Variants in HYCC2 observed in about 807,000 individuals in gnomAD.
The protein encoded by HYCC2 is hyccin 2.
the HYCC2 span, among the ~76,000 whole-genome samples, chr2:201,038,797 T>A: frequency 1.3e-5 from 2 of 151,998 alleles, no homozygotes; most frequent in African/African-American, 4.8e-5. Context: ...TAATGTTAAA[T>A]GATGAGTTAG....
chr2:200,974,777 A>G, the HYCC2 span: 1 of 151,978 alleles, frequency 6.6e-6, no homozygotes, highest in South Asian at 2.1e-4. Context: ...GAAATAAATC[A>G]TTTAGTTCTT....
chr2:201,050,092 G>A, the HYCC2 span, among the ~76,000 whole-genome samples: 1 of 151,718 alleles, frequency 6.6e-6, no homozygotes, highest in Non-Finnish European at 1.5e-5. Context: ...CACACCTGTG[G>A]TCCCAGCTAC....
At chr2:200,991,441 C>T in the HYCC2 span, among the ~76,000 whole-genome samples, 5 of 152,162 alleles carry the variant, frequency 3.3e-5, no homozygotes, top group South Asian at 2.1e-4. Context: ...TGGTGGCACA[C>T]GCCTATAGTC....
the HYCC2 span, among the ~76,000 whole-genome samples, chr2:201,029,785 G>A: frequency 6.6e-6 from 1 of 152,148 alleles, no homozygotes; most frequent in Admixed American, 6.6e-5. Flanking sequence ...GTCATGAGGT[G>A]GGGGGATGGG....
At chr2:201,013,604 G>A in the HYCC2 span, among the ~76,000 whole-genome samples, 1 of 152,062 alleles carries the variant, frequency 6.6e-6, no homozygotes, top group Non-Finnish European at 1.5e-5. Context: ...CCAATTACAT[G>A]TGAATAATGA....
At chr2:200,983,796 G>C in the HYCC2 span, among the ~76,000 whole-genome samples, 1 of 152,172 alleles carries the variant, frequency 6.6e-6, no homozygotes, top group East Asian at 1.9e-4. Context: ...TGTATCATTA[G>C]GTATATTTAT....
chr2:201,017,356 T>TTC, the HYCC2 span, among the ~76,000 whole-genome samples: 2 of 152,132 alleles, frequency 1.3e-5, no homozygotes, highest in African/African-American at 4.8e-5. Context: ...ATCCACTAAC[T>TTC]ATAAGAAGTA....
chr2:201,028,948 A>T, the HYCC2 span, among the ~76,000 whole-genome samples: 1 of 152,166 alleles, frequency 6.6e-6, no homozygotes, highest in Non-Finnish European at 1.5e-5. Context: ...AAGCCAAAAT[A>T]GACAAATGGG....
chr2:200,980,988 G>A, the HYCC2 span: 1 of 461,692 alleles, frequency 2.2e-6, no homozygotes, highest in Middle Eastern at 6.2e-4. Context: ...GCCTACGATG[G>A]ATTGCACATC....
At chr2:200,982,915 G>A in the HYCC2 span, among the ~76,000 whole-genome samples, 10 of 151,972 alleles carry the variant, frequency 6.6e-5, no homozygotes, top group African/African-American at 2.2e-4. Context: ...GTGTCACCAC[G>A]CCCAGCTAAT....
chr2:201,018,968 G>A, the HYCC2 span, among the ~76,000 whole-genome samples: 4 of 152,244 alleles, frequency 2.6e-5, no homozygotes, highest in East Asian at 1.9e-4. Flanking sequence ...CCACTCTACC[G>A]CACTTCTTAT....
the HYCC2 span, among the ~76,000 whole-genome samples, chr2:201,019,415 A>T: frequency 6.6e-6 from 1 of 152,296 alleles, no homozygotes; most frequent in African/African-American, 2.4e-5. Flanking sequence ...AGATGTTGGC[A>T]ATCCAGTAAG....
the HYCC2 span, among the ~76,000 whole-genome samples, chr2:201,029,685 A>T: frequency 6.6e-6 from 1 of 152,202 alleles, no homozygotes; most frequent in Non-Finnish European, 1.5e-5. Context: ...AAGGACAGAA[A>T]GCCAAACACC....
At chr2:201,008,315 T>G in the HYCC2 span, among the ~76,000 whole-genome samples, 1 of 152,230 alleles carries the variant, frequency 6.6e-6, no homozygotes, top group South Asian at 2.1e-4. Flanking sequence ...TGACTGCACA[T>G]CCACTTTTTA....
the HYCC2 span, among the ~76,000 whole-genome samples, chr2:201,056,605 C>T: frequency 2.1e-5 from 3 of 145,988 alleles, no homozygotes; most frequent in Non-Finnish European, 4.5e-5. Flanking sequence ...ACCCGGGAGG[C>T]GGAGGTTGCG....
the HYCC2 span, among the ~76,000 whole-genome samples, chr2:200,982,902 C>T: frequency 2.0e-5 from 3 of 152,114 alleles, no homozygotes; most frequent in African/African-American, 4.8e-5. Flanking sequence ...GGATTACAGG[C>T]GTGTGTCACC....
chr2:201,030,108 G>A, the HYCC2 span, among the ~76,000 whole-genome samples: 97 of 151,830 alleles, frequency 6.4e-4, no homozygotes, highest in Non-Finnish European at 1.0e-3. Context: ...CAAAAAGTCC[G>A]GAAATTTCAT....
the HYCC2 span, among the ~76,000 whole-genome samples, chr2:201,004,948 C>T: frequency 7.1e-6 from 1 of 140,120 alleles, no homozygotes; most frequent in Non-Finnish European, 1.5e-5. Flanking sequence ...ACCCAGGAGG[C>T]GGAGTTTGCA....
chr2:200,981,432 A>G, the HYCC2 span: 3 of 1,614,188 alleles, frequency 1.9e-6, no homozygotes, highest in Non-Finnish European at 2.5e-6. This position sits in a 1 kb window ranked among gnomAD's most constrained non-coding sequence, Gnocchi z 4.5. Context: ...CTGCTAAATT[A>G]GTACCTCCCT....
Sources: allele counts gnomAD v4.1 joint callset (sites outside exome capture counted in the v4.1 genomes callset), GRCh38; gene constraint gnomAD v4.1.1; non-coding constraint Gnocchi (gnomAD v3.1); transcripts MANE v1.5; gene names NCBI Gene and HGNC (gene_info 2026-07-23, HGNC 2026-07-21).